METAP1: variants seen among roughly 807,000 people sequenced by gnomAD.
METAP1 encodes methionyl aminopeptidase 1.
A neutral mutation model predicts 53.8 loss-of-function variants in METAP1; 28 were observed. The observed-to-expected ratio is 0.52, with a 90% CI of 0.39 to 0.71. METAP1 has a LOEUF of 0.71. METAP1 is among the 30% of genes least tolerant of loss of function. The pLI is 0.00. For synonymous variants in METAP1, 181 were observed against 165.7 expected, an observed-to-expected ratio of 1.09 and a Z score of -0.71; for missense variants, 389 against 479.8, an observed-to-expected ratio of 0.81 and a Z score of 1.77.
intron 9 of METAP1, among the ~76,000 whole-genome samples, chr4:99,057,215 G>T (rs1489861014): frequency 6.6e-6 from 1 of 152,170 alleles, no homozygotes. Flanking sequence ...GTTCTTCTTT[G>T]AAGATGAGAA....
At chr4:99,032,502 A>G (rs758355212) in intron 2 of METAP1, among the ~76,000 whole-genome samples, 2 of 152,162 alleles carry the variant, frequency 1.3e-5, no homozygotes, top group Non-Finnish European at 2.9e-5. Context: ...AAGTGCTGGT[A>G]TTACAGGCGT....
chr4:99,028,881 A>G lies in METAP1; in HGVS notation c.129A>G (p.Gly43=), dbSNP rs1724779955. The G allele has an allele frequency of 6.5e-7, 1 of 1,543,904 alleles. No individual in the cohort carries two copies. The highest frequency in any genetic ancestry group is 1.4e-5 in the African/African-American group (1 of 72,876). ...SYFCSQECFK[G]SWATHKLLHK... is the part of the protein sequence containing the mutation. ...TGTTCTTTTAGGAATGTTTTAAAGGAAGTTGGGCTACTCACAAGTTACTAC... is the reference window on the plus strand; with the variant it reads ...TGTTCTTTTAGGAATGTTTTAAAGGGAGTTGGGCTACTCACAAGTTACTAC... Residue 43 remains glycine, a synonymous_variant, in exon 2 of 11, where the codon GGA becomes GGG. Transcript: ENST00000296411.
At chr4:98,996,434 C>T (rs921225902) in intron 1 of METAP1, among the ~76,000 whole-genome samples, 28 of 152,368 alleles carry the variant, frequency 1.8e-4, no homozygotes, top group Middle Eastern at 3.4e-3. Context: ...TAGCTCCAGC[C>T]CCACTTCTTT....
At chr4:99,041,692 G>T (rs1415980881) in intron 6 of METAP1, among the ~76,000 whole-genome samples, 2 of 151,840 alleles carry the variant, frequency 1.3e-5, no homozygotes, top group South Asian at 4.1e-4. Flanking sequence ...CAGATCACAC[G>T]TGTTCTAGTA....
intron 1 of METAP1, among the ~76,000 whole-genome samples, chr4:99,024,894 G>C (rs555455296): frequency 1.8e-4 from 28 of 152,042 alleles, no homozygotes; most frequent in Non-Finnish European, 3.7e-4. Flanking sequence ...GGACTTGGGG[G>C]TGGTGGGGAT....
At chr4:99,009,783 G>T (rs1020313711) in intron 1 of METAP1, among the ~76,000 whole-genome samples, 1 of 152,076 alleles carries the variant, frequency 6.6e-6, no homozygotes, top group African/African-American at 2.4e-5. Context: ...CCATTACCAG[G>T]TATGTTATTT....
Position 98,996,152 on chromosome 4 carries a change from A to G in METAP1, c.114+285A>G, listed in dbSNP as rs1360457462. On this transcript the variant is annotated intron_variant, in intron 1 of 10. Transcript: ENST00000296411. ...CTGTGCGGGGTCGCGTGGCCGCGCT[A>G]GACCTCCGCGTTCTGGGGCCGGTTC... Among the ~76,000 whole-genome samples, 11 of 152,030 alleles carry G rather than the reference A, an allele frequency of 7.2e-5. 1 individual carries two copies. The highest frequency in any genetic ancestry group is 7.2e-4 in the Admixed American group (11 of 15,272).
intron 10 of METAP1, among the ~76,000 whole-genome samples, chr4:99,059,382 C>T (rs139874822): frequency 2.0e-5 from 3 of 152,252 alleles, no homozygotes; most frequent in African/African-American, 4.8e-5. Flanking sequence ...TGAAAAACAT[C>T]GATGTACTCA....
chr4:99,033,421 A>C (rs1333103279), intron 2 of METAP1, among the ~76,000 whole-genome samples: 1 of 152,116 alleles, frequency 6.6e-6, no homozygotes, highest in Non-Finnish European at 1.5e-5. Flanking sequence ...TTATTTTACT[A>C]TGTGGATAAG....
chr4:99,007,153 C>T (rs1723213643), intron 1 of METAP1, among the ~76,000 whole-genome samples: 1 of 151,846 alleles, frequency 6.6e-6, no homozygotes, highest in African/African-American at 2.4e-5. Flanking sequence ...ATGGAGATCT[C>T]CCTATGTTGC....
intron 9 of METAP1, among the ~76,000 whole-genome samples, chr4:99,055,220 G>A (rs1424384957): frequency 1.3e-5 from 2 of 151,938 alleles, no homozygotes; most frequent in South Asian, 2.1e-4. Flanking sequence ...GTGAAACCAC[G>A]CTTCTACTAA....
At chr4:99,021,681 C>T (rs1724118540) in intron 1 of METAP1, among the ~76,000 whole-genome samples, 1 of 152,188 alleles carries the variant, frequency 6.6e-6, no homozygotes, top group South Asian at 2.1e-4. Flanking sequence ...TGACACAATC[C>T]CCTATGGCTG....
At chr4:99,060,424 C>T (rs1338477579) in intron 10 of METAP1, among the ~76,000 whole-genome samples, 4 of 134,462 alleles carry the variant, frequency 3.0e-5, no homozygotes, top group African/African-American at 5.6e-5. Flanking sequence ...AATGCAGTGG[C>T]GCGATCTCAG....
intron 2 of METAP1, among the ~76,000 whole-genome samples, chr4:99,031,309 AC>A (rs1579289038): frequency 6.6e-6 from 1 of 152,208 alleles, no homozygotes; most frequent in East Asian, 1.9e-4. Flanking sequence ...GTATTATTGT[AC>A]ACTTTTTAAT....
chr4:99,048,991 T>C (rs557098606), intron 9 of METAP1, 115 bp downstream of exon 9: 803 of 1,237,904 alleles, frequency 6.5e-4, no homozygotes, highest in Non-Finnish European at 8.3e-4. Flanking sequence ...TTAGCTGTAA[T>C]AGATAGATTC....
intron 2 of METAP1, among the ~76,000 whole-genome samples, chr4:99,030,291 A>G (rs1579286871): frequency 6.6e-6 from 1 of 152,162 alleles, no homozygotes; most frequent in African/African-American, 2.4e-5. Flanking sequence ...GGGCAGGGCT[A>G]TTTCCTTTTG....
chr4:98,996,503 C>T (rs945547052), intron 1 of METAP1, among the ~76,000 whole-genome samples: 4 of 152,218 alleles, frequency 2.6e-5, no homozygotes, highest in Non-Finnish European at 5.9e-5. Flanking sequence ...AGGGAGAGGT[C>T]TGTGTAATTC....
intron 1 of METAP1, among the ~76,000 whole-genome samples, chr4:99,003,188 A>G (rs1343489682): frequency 6.6e-6 from 1 of 152,262 alleles, no homozygotes; most frequent in East Asian, 1.9e-4. Flanking sequence ...AGTGGTTAGG[A>G]TATAAATGAT....
chr4:99,001,875 C>T (rs1381148831), intron 1 of METAP1, among the ~76,000 whole-genome samples: 2 of 152,104 alleles, frequency 1.3e-5, no homozygotes, highest in Admixed American at 6.6e-5. Context: ...GTTTGAGGGC[C>T]TTCTGGTCAT....
Sources: allele counts gnomAD v4.1 joint callset (sites outside exome capture counted in the v4.1 genomes callset), GRCh38; gene constraint gnomAD v4.1.1; transcripts MANE v1.5; gene names NCBI Gene and HGNC (gene_info 2026-07-23, HGNC 2026-07-21).